Variants in STS observed in about 807,000 individuals in gnomAD.
The protein encoded by STS is steryl-sulfatase.
In STS, 7 loss-of-function variants were observed where a neutral mutation model predicts 26.8. The observed-to-expected ratio is 0.26, with a 90% CI of 0.15 to 0.49. STS has a LOEUF of 0.49. Ranked by LOEUF, STS falls within the 20% of genes least tolerant of loss-of-function variation. The pLI is 0.98. For missense variants in STS, 434 were observed against 465.6 expected (o/e 0.93, Z 0.63); for synonymous variants, 199 against 189.4 (o/e 1.05, Z -0.42).
intron 2 of STS, among the ~76,000 whole-genome samples, chrX:7,212,623 C>A (rs1181561699): frequency 8.9e-6 from 1 of 112,111 alleles, no homozygotes; most frequent in Non-Finnish European, 1.9e-5. Context: ...AAATAGATAG[C>A]TCATCTACAG....
At chrX:7,309,557 CATAA>C (rs1279607486) in intron 8 of STS, among the ~76,000 whole-genome samples, 1 of 104,185 alleles carries the variant, frequency 9.6e-6, no homozygotes, top group Non-Finnish European at 2.0e-5. Flanking sequence ...ATAAGTTAAA[CATAA>C]ATAAATAAAT....
chrX:7,155,446 G>A (rs1243727519), intron 1 of STS, among the ~76,000 whole-genome samples: 2 of 111,453 alleles, frequency 1.8e-5, no homozygotes, highest in Non-Finnish European at 3.8e-5. Flanking sequence ...AGAATCTTAG[G>A]TACCTCAAAT....
intron 2 of STS, among the ~76,000 whole-genome samples, chrX:7,239,919 C>G (rs1396650347): frequency 1.0e-5 from 1 of 99,532 alleles, no homozygotes; most frequent in Non-Finnish European, 2.0e-5. Context: ...GTCACTCACT[C>G]TGTCACCCAG....
chrX:7,252,418 C>A, intron 2 of STS: 1 of 339,720 alleles, frequency 2.9e-6, no homozygotes, highest in Non-Finnish European at 3.8e-6. Flanking sequence ...CTCTCTCTGG[C>A]TGGGAAACCT....
intron 10 of STS, among the ~76,000 whole-genome samples, chrX:7,346,709 G>T (rs1053620121): frequency 8.0e-5 from 9 of 111,975 alleles, no homozygotes; most frequent in African/African-American, 2.6e-4. Flanking sequence ...AGTATATGAG[G>T]ATACTCAGGA....
intron 8 of STS, among the ~76,000 whole-genome samples, chrX:7,324,166 G>C (rs766718373): frequency 2.7e-5 from 3 of 109,903 alleles, no homozygotes; most frequent in African/African-American, 6.6e-5. Flanking sequence ...AGTCAAAATC[G>C]GGGGGTGGGG....
In STS at chrX:7,152,199, C is replaced by A. The variant is rs12845022; in HGVS notation, c.-134+4116C>A. ...GATTTCCTGACCTTGCGATCCGCCCCCCTCAGCCTCCCAAAGTGCTGGGAT... is the reference window on the plus strand; with the variant it reads ...GATTTCCTGACCTTGCGATCCGCCCACCTCAGCCTCCCAAAGTGCTGGGAT... On this transcript the variant is annotated intron_variant, in intron 1 of 10. Coordinates refer to ENST00000674429, the MANE Select transcript of STS (RefSeq NM_001320752.2). 2.0e-3 allele frequency among the ~76,000 whole-genome samples: 223 copies of A among 110,363 alleles called. 1 individual carries two copies. Among genetic ancestry groups the A allele is most frequent in the Middle Eastern group, 9.5e-3 (2 of 210 alleles).
At chrX:7,314,481 A>G (rs1037299821) in intron 8 of STS, among the ~76,000 whole-genome samples, 2 of 112,543 alleles carry the variant, frequency 1.8e-5, no homozygotes, top group African/African-American at 6.4e-5. Context: ...ATGGGTTAAC[A>G]TTAGTGAACA....
At chrX:7,289,237 GTCA>G (rs1249692661) in intron 7 of STS, among the ~76,000 whole-genome samples, 1 of 111,363 alleles carries the variant, frequency 9.0e-6, no homozygotes, top group Non-Finnish European at 1.9e-5. Flanking sequence ...GGAGGTGAGG[GTCA>G]TCAGGTGGTT....
rs1428045431 is a variant in STS, at chrX:7,352,939, G to A, written c.*2678G>A. Reference sequence around the variant, plus strand: ...TGAAGGGCATACAATGAAAAGTGAAGGGGAAACACACACACACAAAAAAAC... The same window carrying A: ...TGAAGGGCATACAATGAAAAGTGAAAGGGAAACACACACACACAAAAAAAC... On this transcript the variant is annotated 3_prime_UTR_variant, in exon 11 of 11. Coordinates refer to ENST00000674429, the MANE Select transcript of STS (RefSeq NM_001320752.2). 1 of 109,850 alleles carries A rather than the reference G, an allele frequency of 9.1e-6. No individual in the cohort carries two copies. The highest frequency in any genetic ancestry group is 2.8e-4 in the East Asian group (1 of 3,556). The allele number at this position is 109,850 out of a possible 1,213,427, so 9.1% of individuals were successfully genotyped here. A position where few individuals can be genotyped will look rare whatever the true frequency, so the allele number is the denominator to read the frequency against.
At chrX:7,245,362 C>T (rs1450675982) in intron 2 of STS, among the ~76,000 whole-genome samples, 1 of 112,080 alleles carries the variant, frequency 8.9e-6, no homozygotes, top group Non-Finnish European at 1.9e-5. Context: ...GCTTAATTTC[C>T]TCTCTGGTTG....
At chrX:7,199,956 G>A (rs946583699) in intron 2 of STS, among the ~76,000 whole-genome samples, 1 of 110,331 alleles carries the variant, frequency 9.1e-6, no homozygotes, top group Non-Finnish European at 1.9e-5. Context: ...AGTATGTGAA[G>A]CACATTTAAT....
intron 7 of STS, among the ~76,000 whole-genome samples, chrX:7,303,815 CCT>C (rs1469722634): frequency 5.4e-5 from 6 of 111,641 alleles, no homozygotes; most frequent in Non-Finnish European, 1.1e-4. Context: ...CTTCAACTTT[CCT>C]CTGTTTTTTT....
chrX:7,300,437 A>G (rs1925910113), intron 7 of STS, among the ~76,000 whole-genome samples: 1 of 112,121 alleles, frequency 8.9e-6, no homozygotes, highest in Non-Finnish European at 1.9e-5. Context: ...AGCAAAAATA[A>G]TACAGCAGCA....
At chrX:7,277,232 G>A (rs1488403527) in intron 7 of STS, among the ~76,000 whole-genome samples, 1 of 111,873 alleles carries the variant, frequency 8.9e-6, no homozygotes, top group Non-Finnish European at 1.9e-5. Context: ...TCCAGTACTC[G>A]CCCAGGTTCC....
chrX:7,205,739 G>C (rs1447657639), intron 2 of STS, among the ~76,000 whole-genome samples: 1 of 104,568 alleles, frequency 9.6e-6, no homozygotes, highest in Non-Finnish European at 1.9e-5. Flanking sequence ...TCTTCCTCCT[G>C]GGCTCAAGTG....
intron 1 of STS, among the ~76,000 whole-genome samples, chrX:7,189,732 C>T (rs1282496367): frequency 6.3e-5 from 7 of 111,603 alleles, no homozygotes; most frequent in Non-Finnish European, 1.3e-4. Flanking sequence ...CCTTCTTGAT[C>T]CTTAGAGCTG....
At chrX:7,265,362 G>C (rs1923958404) in intron 6 of STS, among the ~76,000 whole-genome samples, 1 of 111,756 alleles carries the variant, frequency 8.9e-6, no homozygotes, top group South Asian at 3.8e-4. Context: ...CTTCCAGGGT[G>C]AATCACCTTG....
chrX:7,337,013 C>A (rs1928066225), intron 10 of STS, among the ~76,000 whole-genome samples: 1 of 111,950 alleles, frequency 8.9e-6, no homozygotes, highest in South Asian at 3.8e-4. Flanking sequence ...TCCTTCAACT[C>A]TTCTGCCTTG....
Sources: gnomAD v4.1 joint callset for allele counts (sites outside exome capture counted in the v4.1 genomes callset) on GRCh38, gnomAD v4.1.1 for gene constraint, MANE v1.5 for transcripts, NCBI Gene and HGNC (gene_info 2026-07-23, HGNC 2026-07-21) for gene names.